KIF26A: variants seen among roughly 807,000 people sequenced by gnomAD.
KIF26A encodes kinesin-like protein KIF26A.
Under a neutral mutation model 126.0 loss-of-function variants are expected in KIF26A, and 74 were observed. That is an observed-to-expected ratio of 0.59 (90% CI 0.49 to 0.71). KIF26A has a LOEUF of 0.71. KIF26A is among the 30% of genes least tolerant of loss of function. KIF26A has a pLI of 0.00. For missense variants in KIF26A, 2,984 were observed against 2,763.3 expected, an observed-to-expected ratio of 1.08 and a Z score of -1.79; for synonymous variants, 1,445 against 1,232.7, an observed-to-expected ratio of 1.17 and a Z score of -3.61.
rs1364505039 is a variant in KIF26A at position 104,175,637 on chromosome 14, G to T, written c.2849G>T (p.Ser950Ile). The T allele has an allele frequency of 6.2e-7, 1 of 1,610,680 alleles. No individual in the cohort carries two copies. Among genetic ancestry groups the T allele is most frequent in the South Asian group, 1.1e-5 (1 of 90,884 alleles). Residue 950 changes from serine to isoleucine, a missense_variant, in exon 12 of 15, where the codon AGC (serine) becomes ATC (isoleucine). Transcript: ENST00000423312. The stretch of plus-strand genomic sequence containing the variant: ...AGTGGAGGCAGGAGGCCACTGCCCA[G>T]CCCGGCTCCCCCACCTCCTCAGTTG... ...AVSGGRRPLP[S>I]PAPPPPQLLE...
intron 11 of KIF26A, among the ~76,000 whole-genome samples, chr14:104,174,744 C>T (rs1487686013): frequency 1.6e-4 from 24 of 152,178 alleles, no homozygotes; most frequent in Admixed American, 1.0e-3. Flanking sequence ...TTGAGCTTCC[C>T]GTTCCCTCCC....
At chr14:104,174,862 G>A in intron 11 of KIF26A, 120 bp from the exon 12 acceptor site, 1 of 1,065,926 alleles carries the variant, frequency 9.4e-7, no homozygotes, top group South Asian at 1.7e-5. Flanking sequence ...ATGGTTGGTG[G>A]TGCCTGCTGT....
Position 104,179,616 on chromosome 14 carries a change from G to A in KIF26A, c.5475G>A (p.Val1825=), listed in dbSNP as rs1358490476. The change falls in exon 15 of 15, where the codon GTG becomes GTA. Residue 1825 remains valine (V), a synonymous_variant. Coordinates refer to ENST00000423312, the MANE Select transcript of KIF26A (RefSeq NM_015656.2). ...CTCTCCTCCCCTCCCCAGTTGAGGTGGACCCGGAGCTGGAGCCCGAGTCGG... is the reference window on the plus strand; with the variant it reads ...CTCTCCTCCCCTCCCCAGTTGAGGTAGACCCGGAGCTGGAGCCCGAGTCGG... The part of the protein sequence containing the change: ...EPGRWLEQFE[V]DPELEPESAE... The A allele has an allele frequency of 6.5e-7, 1 of 1,528,144 alleles. No homozygotes were observed. The highest frequency in any genetic ancestry group is 1.2e-5 in the South Asian group (1 of 80,218). 94.7% of individuals were successfully genotyped at this position (1,528,144 alleles called of 1,614,324 possible). A position where few individuals can be genotyped will look rare whatever the true frequency, so the allele number is the denominator to read the frequency against.
chr14:104,157,158 G>C (rs750715554), intron 3 of KIF26A, among the ~76,000 whole-genome samples: 2 of 152,156 alleles, frequency 1.3e-5, no homozygotes, highest in African/African-American at 4.8e-5. Context: ...GGGCTGTCCC[G>C]GGCGTTTAAT....
chr14:104,178,864 C>T (rs2141122387), intron 13 of KIF26A, 109 bp downstream of exon 13: 2 of 661,162 alleles, frequency 3.0e-6, no homozygotes, highest in South Asian at 4.0e-5. Flanking sequence ...TGTGGCTGGG[C>T]AGCCCCTGAC....
At position 104,176,724 on chromosome 14, in the gene KIF26A, G is replaced by C; in HGVS notation, c.3936G>C (p.Thr1312=). Residue 1312 remains threonine (T), a synonymous_variant, in exon 12 of 15, where the codon ACG becomes ACC. Coordinates refer to ENST00000423312, the MANE Select transcript of KIF26A (RefSeq NM_015656.2). ...RIPPLRRGAT[T]LGVTTPAVSW... ...CACCGCTGCGGAGGGGTGCCACCACGCTGGGTGTGACAACGCCAGCTGTGT... is the reference window on the plus strand; with the variant it reads ...CACCGCTGCGGAGGGGTGCCACCACCCTGGGTGTGACAACGCCAGCTGTGT... 1.3e-6 allele frequency: 2 copies of C among 1,585,886 alleles called. No homozygotes were observed. The highest frequency in any genetic ancestry group is 1.7e-6 in the Non-Finnish European group (2 of 1,167,132).
rs1471041829 is a variant in KIF26A, at chr14:104,174,918, G to A, written c.2194-64G>A. 3.8e-5 allele frequency: 55 copies of A among 1,443,276 alleles called. No homozygotes were observed. In the Middle Eastern group the frequency reaches 5.6e-4, roughly 15 times the overall value. 89.4% of individuals were successfully genotyped at this position (1,443,276 alleles called of 1,614,324 possible). ...CAGCATTGGCCCTGTGCTCTGGGGA[G>A]GGTCGGGGAAGCGGGGGCGTGTAGG... On this transcript the variant is annotated intron_variant, in intron 11 of 14. Transcript: ENST00000423312.
intron 2 of KIF26A, among the ~76,000 whole-genome samples, chr14:104,142,771 C>G (rs534175362): frequency 1.3e-5 from 2 of 152,348 alleles, no homozygotes; most frequent in Admixed American, 6.5e-5. Flanking sequence ...TGGTTTCCCC[C>G]ACAAGCAGGA....
At chr14:104,178,108 C>T (rs182864283) in intron 12 of KIF26A, among the ~76,000 whole-genome samples, 148 of 152,350 alleles carry the variant, frequency 9.7e-4, no homozygotes, top group African/African-American at 3.4e-3. Flanking sequence ...TATAAACCCC[C>T]TGTACTTGCC....
chr14:104,166,223 C>T (rs890811385), intron 4 of KIF26A, among the ~76,000 whole-genome samples: 45 of 152,192 alleles, frequency 3.0e-4, no homozygotes, highest in Middle Eastern at 3.4e-3. Flanking sequence ...GGCTCTAGGG[C>T]CTTGGTGATC....
At position 104,172,657 on chromosome 14, in the gene KIF26A, A is replaced by C; in HGVS notation, c.1409A>C (p.His470Pro). 1 of 1,612,588 alleles carries C rather than the reference A, an allele frequency of 6.2e-7. No individual in the cohort carries two copies. The highest frequency in any genetic ancestry group is 2.2e-5 in the East Asian group (1 of 44,846). Residue 470 changes from histidine to proline, a missense_variant, in exon 7 of 15, where the codon CAC becomes CCC. Physicochemically the swap from His to Pro is moderately conservative, Grantham distance 77. Coordinates refer to ENST00000423312, the MANE Select transcript of KIF26A (RefSeq NM_015656.2). ...GADGCIFSFG[H>P]MSLGKSYTMI... ...GATGGCTGCATTTTTTCCTTTGGCC[A>C]CATGAGCCTGGGTAAGCACCCTTGC...
chr14:104,172,836 A>G lies in KIF26A; in HGVS notation c.1421-141A>G, dbSNP rs1398031233. ...TGGAGAGGAAGCTGAACCCCTGCCG[A>G]ACTGAAAGGCAGAGGGCTTAGGATG... On this transcript the variant is annotated intron_variant, in intron 7 of 14. Coordinates refer to ENST00000423312, the MANE Select transcript of KIF26A (RefSeq NM_015656.2). The G allele has an allele frequency of 2.4e-6, 3 of 1,249,748 alleles. No individual in the cohort carries two copies. The Admixed American group carries it at 8.2e-5, about 34-fold the overall frequency. 77.4% of individuals were successfully genotyped at this position (1,249,748 alleles called of 1,614,324 possible). A position where few individuals can be genotyped will look rare whatever the true frequency, so the allele number is the denominator to read the frequency against.
rs2141094587 is a variant in KIF26A, at chr14:104,151,514, G to A, written c.289-501G>A. Reference sequence around the variant, plus strand: ...CTTCGCTTCTGTTGACACCTTTACAGCAGCACTGATTTGATTTTCCACCTG... The same window carrying A: ...CTTCGCTTCTGTTGACACCTTTACAACAGCACTGATTTGATTTTCCACCTG... On this transcript the variant is annotated intron_variant, in intron 2 of 14. Coordinates refer to ENST00000423312, the MANE Select transcript of KIF26A (RefSeq NM_015656.2). This position sits in a 1 kb window ranked among gnomAD's most constrained non-coding sequence, Gnocchi z 4.9. Among the ~76,000 whole-genome samples the A allele has an allele frequency of 2.0e-5, 3 of 152,334 alleles. No individual in the cohort carries two copies. Among genetic ancestry groups the A allele is most frequent in the Admixed American group, 2.0e-4 (3 of 15,300 alleles).
rs181725768 is a variant in KIF26A, at chr14:104,160,267, A to G, written c.923+2325A>G. Reference sequence around the variant, plus strand: ...GAATGGGGTGGAGGTCAGGAGTTTGAGTTTTTGAATCCCGTGGGCCTGGGG... The same window carrying G: ...GAATGGGGTGGAGGTCAGGAGTTTGGGTTTTTGAATCCCGTGGGCCTGGGG... On this transcript the variant is annotated intron_variant, in intron 4 of 14. Coordinates refer to ENST00000423312, the MANE Select transcript of KIF26A (RefSeq NM_015656.2). Among the ~76,000 whole-genome samples the G allele has an allele frequency of 1.5e-3, 223 of 152,078 alleles. 1 individual carries two copies. Among genetic ancestry groups the G allele is most frequent in the Admixed American group, 5.0e-3 (76 of 15,270 alleles).
chr14:104,143,337 A>G (rs576496738), intron 2 of KIF26A, among the ~76,000 whole-genome samples: 1 of 152,166 alleles, frequency 6.6e-6, no homozygotes, highest in Non-Finnish European at 1.5e-5. Context: ...ATCAGTTGTC[A>G]TGGTCTGAGG....
intron 1 of KIF26A, 63 bp downstream of exon 1, chr14:104,138,827 C>T: frequency 8.0e-7 from 1 of 1,253,644 alleles, no homozygotes; most frequent in Non-Finnish European, 1.0e-6. Flanking sequence ...CGAAGATACT[C>T]GCGGTGTGCG....
In KIF26A at chr14:104,174,294, G is replaced by T. The variant is rs759312725; in HGVS notation, c.2177G>T (p.Arg726Leu). 3.2e-6 allele frequency: 5 copies of T among 1,550,340 alleles called. No homozygotes were observed. In the South Asian group the frequency reaches 3.6e-5, roughly 11 times the overall value. ...VQLAARIHRL[R>L]RKKAKYASSS... is the part of the protein sequence containing the mutation. Reference sequence around the variant, plus strand: ...CTCGCCGCCCGCATCCACCGCCTGCGCAGGAAGAAGGCCAAGGTGCTCCCC... The same window carrying T: ...CTCGCCGCCCGCATCCACCGCCTGCTCAGGAAGAAGGCCAAGGTGCTCCCC... Residue 726 changes from arginine to leucine, a missense_variant, in exon 11 of 15, where the codon CGC (arginine) becomes CTC (leucine). By Grantham distance (102) the Arg-to-Leu change is moderately radical. Transcript: ENST00000423312.
chr14:104,178,604 G>T lies in KIF26A; in HGVS notation c.5165G>T (p.Gly1722Val). ...CCACTGCCCGACACCACTGCCCTGG[G>T]CCGTAAGCCCAGCCTCCCCGGGCAG... ...PAPLPDTTAL[G>V]RKPSLPGQWV... Residue 1722 changes from glycine (G) to valine (V), a missense_variant, in exon 13 of 15, where the codon GGC becomes GTC. Transcript: ENST00000423312. 1 of 1,546,392 alleles carries T rather than the reference G, an allele frequency of 6.5e-7. No individual in the cohort carries two copies. Among genetic ancestry groups the T allele is most frequent in the Non-Finnish European group, 8.7e-7 (1 of 1,146,256 alleles).
In KIF26A at chr14:104,172,973, C is replaced by T; in HGVS notation, c.1421-4C>T. On this transcript the variant is annotated splice_region_variant and splice_polypyrimidine_tract_variant and intron_variant, in intron 7 of 14. Coordinates refer to ENST00000423312, the MANE Select transcript of KIF26A (RefSeq NM_015656.2). The stretch of plus-strand genomic sequence containing the variant: ...GTGGGGCCTGACGCCTGCGTGGCCC[C>T]CAGGCAAGTCGTACACCATGATCGG... The T allele has an allele frequency of 6.3e-7, 1 of 1,584,876 alleles. No individual in the cohort carries two copies. The highest frequency in any genetic ancestry group is 8.6e-7 in the Non-Finnish European group (1 of 1,162,324).
Sources: gnomAD v4.1 joint callset for allele counts (sites outside exome capture counted in the v4.1 genomes callset) on GRCh38, gnomAD v4.1.1 for gene constraint, Gnocchi (gnomAD v3.1) non-coding constraint, MANE v1.5 for transcripts, NCBI Gene and HGNC (gene_info 2026-07-23, HGNC 2026-07-21) for gene names.